The following ZNF571 variants were observed in gnomAD, a reference collection of about 807,000 sequenced individuals.
ZNF571 encodes the protein zinc finger protein 571.
In ZNF571, 4 loss-of-function variants were observed where a neutral mutation model predicts 7.7. The observed-to-expected ratio is 0.52, with a 90% CI of 0.25 to 1.18. The LOEUF (loss-of-function observed/expected upper bound fraction) is 1.18. Among genes scored for constraint, ZNF571 ranks in the 50% most tolerant of loss-of-function variants. The pLI is 0.14. For synonymous variants in ZNF571, 251 were observed against 232.4 expected (o/e 1.08, Z -0.73); for missense variants, 704 against 726.9 (o/e 0.97, Z 0.36).
intron 3 of ZNF571, 200 bp downstream of exon 3, chr19:37,583,771 A>G: frequency 2.1e-6 from 1 of 487,722 alleles, no homozygotes; most frequent in South Asian, 3.1e-5. Context: ...GCATCAAAGA[A>G]GGGAGACACT....
chr19:37,590,017 T>C (rs753896240), intron 1 of ZNF571, among the ~76,000 whole-genome samples: 2 of 152,004 alleles, frequency 1.3e-5, no homozygotes, highest in South Asian at 2.1e-4. Context: ...CAGGAATTGT[T>C]TTCCATTAAA....
intron 3 of ZNF571, among the ~76,000 whole-genome samples, chr19:37,579,245 G>T (rs1318272896): frequency 6.6e-6 from 1 of 152,188 alleles, no homozygotes; most frequent in East Asian, 1.9e-4. Flanking sequence ...CTGCAGTCCA[G>T]CCCCTTCAGG....
intron 3 of ZNF571, among the ~76,000 whole-genome samples, chr19:37,576,889 G>A (rs1041361380): frequency 6.6e-6 from 1 of 151,946 alleles, no homozygotes; most frequent in African/African-American, 2.4e-5. Flanking sequence ...AAACACAAAG[G>A]ACTTGGCAGT....
In ZNF571 at chr19:37,565,285, G is replaced by C. The variant is rs1218007905; in HGVS notation, c.1143C>G (p.His381Gln). 1 of 1,610,090 alleles carries C rather than the reference G, an allele frequency of 6.2e-7. No individual in the cohort carries two copies. The highest frequency in any genetic ancestry group is 8.5e-7 in the Non-Finnish European group (1 of 1,178,260). The change falls in exon 4 of 4, where the codon CAC becomes CAG. Residue 381 changes from histidine to glutamine, a missense_variant. His to Gln is a conservative substitution (Grantham distance 24, BLOSUM62 0). Coordinates refer to ENST00000451802, the MANE Select transcript of ZNF571 (RefSeq NM_016536.5). ...TFFRGSQLTY[H>Q]LRVHSGERPY... ...GTCTCTCACCTGAATGAACTCTCAG[G>C]TGGTAAGTAAGTTGTGAGCCACGAA...
rs778441594 is a variant in ZNF571, at chr19:37,565,563, T to A, written c.865A>T (p.Ile289Phe). Residue 289 changes from isoleucine (I) to phenylalanine (F), a missense_variant, in exon 4 of 4, where the codon ATT becomes TTT. Physicochemically the swap from Ile to Phe is conservative, Grantham distance 21. Transcript: ENST00000451802. The part of the protein sequence containing the change: ...YECKDCGKAF[I>F]LGSQLTYHQR... ...TGGTAAGTAAGTTGAGAGCCAAGAA[T>A]AAAGGCCTTCCCACAATCCTTACAT... The A allele has an allele frequency of 3.1e-6, 5 of 1,613,666 alleles. No individual in the cohort carries two copies. The Admixed American group carries it at 8.3e-5, about 27-fold the overall frequency.
intron 3 of ZNF571, among the ~76,000 whole-genome samples, chr19:37,571,744 G>C (rs914870255): frequency 6.6e-6 from 1 of 152,116 alleles, no homozygotes; most frequent in African/African-American, 2.4e-5. Flanking sequence ...CTACTAGCTC[G>C]CAGACTACAG....
At position 37,593,057 on chromosome 19, in the gene ZNF571, T is replaced by C. The variant is rs570711253; in HGVS notation, c.-70+1684A>G. On this transcript the variant is annotated intron_variant, in intron 1 of 3. Coordinates refer to ENST00000451802, the MANE Select transcript of ZNF571 (RefSeq NM_016536.5). Reference sequence around the variant, plus strand: ...AATCTGAATATGGGGGTATACAAGATTATGAAATAACCACCACGCTGTTAC... The same window carrying C: ...AATCTGAATATGGGGGTATACAAGACTATGAAATAACCACCACGCTGTTAC... Among the ~76,000 whole-genome samples, 651 of 152,260 alleles carry C rather than the reference T, an allele frequency of 4.3e-3. 7 individuals are homozygous for C. The highest frequency in any genetic ancestry group is 0.015 in the African/African-American group (603 of 41,544).
Position 37,566,272 on chromosome 19 carries a change from C to T in ZNF571, c.156G>A (p.Val52=). 1.2e-6 allele frequency: 2 copies of T among 1,612,004 alleles called. No homozygotes were observed. The highest frequency in any genetic ancestry group is 1.3e-5 in the African/African-American group (1 of 74,962). Residue 52 remains valine (V), a synonymous_variant, in exon 4 of 4, where the codon GTG becomes GTA. Coordinates refer to ENST00000451802, the MANE Select transcript of ZNF571 (RefSeq NM_016536.5). ...CCTTTTCTGGAGATAACTTTTTGGTCACACAACTGGATTCCAAGTCTGTAG... is the reference window on the plus strand; with the variant it reads ...CCTTTTCTGGAGATAACTTTTTGGTTACACAACTGGATTCCAAGTCTGTAG... ...LISLDLESSC[V]TKKLSPEKEI...
At chr19:37,578,682 C>T (rs1388512018) in intron 3 of ZNF571, among the ~76,000 whole-genome samples, 2 of 152,006 alleles carry the variant, frequency 1.3e-5, no homozygotes, top group East Asian at 3.9e-4. Flanking sequence ...GACCCTGTCC[C>T]CACCTGAACT....
intron 3 of ZNF571, among the ~76,000 whole-genome samples, chr19:37,576,514 C>A (rs2043247692): frequency 6.6e-6 from 1 of 152,126 alleles, no homozygotes; most frequent in Admixed American, 6.5e-5. Context: ...GCAATTAACA[C>A]AAGATTGACT....
intron 3 of ZNF571, among the ~76,000 whole-genome samples, chr19:37,576,814 A>T (rs986969435): frequency 2.0e-5 from 3 of 152,216 alleles, no homozygotes; most frequent in African/African-American, 7.2e-5. Context: ...TAACAAAGTT[A>T]TTCACTTTGT....
At chr19:37,591,236 T>G (rs944174887) in intron 1 of ZNF571, among the ~76,000 whole-genome samples, 1 of 152,218 alleles carries the variant, frequency 6.6e-6, no homozygotes, top group Non-Finnish European at 1.5e-5. Flanking sequence ...ATGGCTCATT[T>G]CAGGGCTGGC....
chr19:37,569,632 T>A lies in ZNF571; in HGVS notation c.137-3341A>T, dbSNP rs1158704628. Among the ~76,000 whole-genome samples the A allele has an allele frequency of 1.3e-5, 2 of 152,182 alleles. No homozygotes were observed. Among genetic ancestry groups the A allele is most frequent in the African/African-American group, 4.8e-5 (2 of 41,430 alleles). Reference sequence around the variant, plus strand: ...AACCTACTAGGTTGTATTCATAACCTCTAGCAGGTTCTGCCCGGCCTGGCT... The same window carrying A: ...AACCTACTAGGTTGTATTCATAACCACTAGCAGGTTCTGCCCGGCCTGGCT... On this transcript the variant is annotated intron_variant, in intron 3 of 3. Transcript: ENST00000451802. This position sits in a 1 kb window ranked among gnomAD's most constrained non-coding sequence, Gnocchi z 4.4.
intron 1 of ZNF571, among the ~76,000 whole-genome samples, chr19:37,593,284 TAC>T (rs1291447261): frequency 6.6e-6 from 1 of 152,234 alleles, no homozygotes; most frequent in Non-Finnish European, 1.5e-5. Flanking sequence ...TGTTTTTAAT[TAC>T]AGCTAGGTGT....
At chr19:37,593,125 G>T (rs962441005) in intron 1 of ZNF571, among the ~76,000 whole-genome samples, 1 of 146,532 alleles carries the variant, frequency 6.8e-6, no homozygotes, top group Admixed American at 6.8e-5. Flanking sequence ...CTTATTGTTA[G>T]TTTTTTTTTT....
chr19:37,592,596 A>G (rs998423059), intron 1 of ZNF571, among the ~76,000 whole-genome samples: 2 of 152,234 alleles, frequency 1.3e-5, no homozygotes, highest in African/African-American at 4.8e-5. Context: ...TTAAATGGAC[A>G]GCATTTAAAC....
chr19:37,589,851 C>A, intron 1 of ZNF571, among the ~76,000 whole-genome samples: 1 of 92,540 alleles, frequency 1.1e-5, no homozygotes. Context: ...GGCAACAGAG[C>A]AAGACTCCAT....
At chr19:37,575,624 C>A (rs1041941420) in intron 3 of ZNF571, 1 of 152,186 alleles carries the variant, frequency 6.6e-6, no homozygotes, top group African/African-American at 2.4e-5. Flanking sequence ...CTGGTTCTTA[C>A]TTCAGGGTCA....
Position 37,584,245 on chromosome 19 carries a change from TA to T in ZNF571, c.10-149del, listed in dbSNP as rs1262238898. 1.2e-5 allele frequency: 11 copies of T among 951,064 alleles called. No individual in the cohort carries two copies. The African/African-American group carries it at 1.8e-4, about 16-fold the overall frequency. 58.9% of individuals were successfully genotyped at this position (951,064 alleles called of 1,614,324 possible). On this transcript the variant is annotated intron_variant, in intron 2 of 3. Transcript: ENST00000451802. The stretch of plus-strand genomic sequence containing the variant: ...AAACAGTAGTATTAACCTGATTCTC[TA>T]TCATTCCTATTGCCACAGATAAAAC...
Sources: allele counts gnomAD v4.1 joint callset (sites outside exome capture counted in the v4.1 genomes callset), GRCh38; gene constraint gnomAD v4.1.1; non-coding constraint Gnocchi (gnomAD v3.1); transcripts MANE v1.5; gene names NCBI Gene and HGNC (gene_info 2026-07-23, HGNC 2026-07-21).